Variants in NKAIN3 observed in about 807,000 individuals in gnomAD.
NKAIN3 encodes sodium/potassium-transporting ATPase subunit beta-1-interacting protein 3.
In NKAIN3, 25 loss-of-function variants were observed where a neutral mutation model predicts 30.2. That is an observed-to-expected ratio of 0.83 (90% CI 0.60 to 1.16). NKAIN3 has a LOEUF of 1.16. Ranked by LOEUF, NKAIN3 falls within the 50% of genes most tolerant of loss-of-function variation. The probability of loss-of-function intolerance (pLI) is 0.00; values close to 1 mark genes in which losing one functional copy is unlikely to be tolerated. For missense variants in NKAIN3, 225 were observed against 254.1 expected, an observed-to-expected ratio of 0.89 and a Z score of 0.78; for synonymous variants, 91 against 89.6, an observed-to-expected ratio of 1.02 and a Z score of -0.09.
Position 62,589,803 on chromosome 8 carries a change from A to G in NKAIN3, c.273+9A>G. On this transcript the variant is annotated intron_variant, in intron 3 of 6. Transcript: ENST00000623646. Reference sequence around the variant, plus strand: ...TAGGTGGACTCTCAAAGGTGAGTTTATCATGCTTTTAAAGTACACTTTAAA... The same window carrying G: ...TAGGTGGACTCTCAAAGGTGAGTTTGTCATGCTTTTAAAGTACACTTTAAA... 6.6e-7 allele frequency: 1 copy of G among 1,522,932 alleles called. No homozygotes were observed. Among genetic ancestry groups the G allele is most frequent in the South Asian group, 1.1e-5 (1 of 88,420 alleles). 94.3% of individuals were successfully genotyped at this position (1,522,932 alleles called of 1,614,324 possible).
intron 1 of NKAIN3, among the ~76,000 whole-genome samples, chr8:62,494,938 A>G (rs1807187713): frequency 6.6e-6 from 1 of 151,944 alleles, no homozygotes; most frequent in Non-Finnish European, 1.5e-5. Flanking sequence ...TATCAATCTT[A>G]TTAGCTTTTT....
At chr8:62,597,517 A>G (rs1810869541) in intron 3 of NKAIN3, among the ~76,000 whole-genome samples, 1 of 151,722 alleles carries the variant, frequency 6.6e-6, no homozygotes, top group Admixed American at 6.6e-5. Context: ...TGTTTTAGTG[A>G]TGATGTTTTT....
chr8:62,793,289 G>T (rs995388194), intron 4 of NKAIN3, among the ~76,000 whole-genome samples: 1 of 151,886 alleles, frequency 6.6e-6, no homozygotes, highest in Non-Finnish European at 1.5e-5. Context: ...TAGCTTGCTG[G>T]TTTTTTTGTA....
At chr8:62,865,743 T>A (rs1820396720) in intron 4 of NKAIN3, among the ~76,000 whole-genome samples, 1 of 152,234 alleles carries the variant, frequency 6.6e-6, no homozygotes, top group African/African-American at 2.4e-5. Context: ...AAATATGCAA[T>A]GTTATCTTCT....
intron 4 of NKAIN3, among the ~76,000 whole-genome samples, chr8:62,898,065 TCAAAGCATTTAG>T (rs1168710803): frequency 6.6e-6 from 1 of 152,140 alleles, no homozygotes. Context: ...CTGAATTTCA[TCAAAGCATTTAG>T]CAATCAATTA....
At chr8:62,640,638 T>C (rs1376168643) in intron 3 of NKAIN3, among the ~76,000 whole-genome samples, 5 of 152,058 alleles carry the variant, frequency 3.3e-5, no homozygotes, top group African/African-American at 9.7e-5. Context: ...CCCTGACCCA[T>C]ATTAAAAGAG....
chr8:62,566,780 G>C (rs1436171096), intron 1 of NKAIN3, among the ~76,000 whole-genome samples: 1 of 151,958 alleles, frequency 6.6e-6, no homozygotes, highest in African/African-American at 2.4e-5. Flanking sequence ...CAGTAGAGCA[G>C]CTTGAAAATA....
intron 5 of NKAIN3, among the ~76,000 whole-genome samples, chr8:62,951,089 C>G (rs1823273591): frequency 6.6e-6 from 1 of 151,728 alleles, no homozygotes; most frequent in Non-Finnish European, 1.5e-5. Context: ...CAGTATGCAA[C>G]CTGGTCACTG....
rs551424069 is a variant in NKAIN3 at position 62,972,053 on chromosome 8, G to A, written c.*6646G>A. 1.3e-5 allele frequency among the ~76,000 whole-genome samples: 2 copies of A among 152,066 alleles called. No homozygotes were observed. Among genetic ancestry groups the A allele is most frequent in the African/African-American group, 2.4e-5 (1 of 41,382 alleles). ...GCCACAATAAATTAATTCTTCTATG[G>A]TCATAACACTTGGCTATTTTATTTT... On this transcript the variant is annotated 3_prime_UTR_variant, in exon 7 of 7. Coordinates refer to ENST00000623646, the MANE Select transcript of NKAIN3 (RefSeq NM_001304533.3).
chr8:62,638,170 A>G (rs764325327), intron 3 of NKAIN3, among the ~76,000 whole-genome samples: 1 of 152,164 alleles, frequency 6.6e-6, no homozygotes, highest in Non-Finnish European at 1.5e-5. Context: ...GCTCATGCTA[A>G]TAAGGTTTGC....
intron 4 of NKAIN3, among the ~76,000 whole-genome samples, chr8:62,757,508 C>A (rs1225512836): frequency 6.6e-6 from 1 of 152,146 alleles, no homozygotes; most frequent in East Asian, 1.9e-4. Context: ...TGACGTGGTC[C>A]TTCCTGCTGT....
intron 4 of NKAIN3, among the ~76,000 whole-genome samples, chr8:62,836,252 C>G (rs1249314140): frequency 6.6e-6 from 1 of 152,026 alleles, no homozygotes; most frequent in Admixed American, 6.6e-5. Context: ...TGAGATCATT[C>G]ATACCCCAAA....
intron 1 of NKAIN3, among the ~76,000 whole-genome samples, chr8:62,314,014 A>G (rs889400149): frequency 9.9e-5 from 15 of 152,096 alleles, no homozygotes; most frequent in African/African-American, 3.6e-4. Context: ...TTTTATCATT[A>G]TTTCTCCTGA....
chr8:62,402,394 C>G (rs1231506168), intron 1 of NKAIN3, among the ~76,000 whole-genome samples: 2 of 152,140 alleles, frequency 1.3e-5, no homozygotes, highest in South Asian at 2.1e-4. Context: ...ACCTCAAGAG[C>G]CCATTTGGTG....
At chr8:62,887,258 T>C (rs1019538111) in intron 4 of NKAIN3, among the ~76,000 whole-genome samples, 19 of 152,206 alleles carry the variant, frequency 1.2e-4, no homozygotes, top group African/African-American at 4.1e-4. Context: ...CTGGTTTTTT[T>C]CAGAACTTTT....
intron 1 of NKAIN3, among the ~76,000 whole-genome samples, chr8:62,281,387 C>G (rs147550105): frequency 2.7e-4 from 41 of 152,118 alleles, no homozygotes; most frequent in Non-Finnish European, 5.1e-4. Flanking sequence ...CAATTCTGCT[C>G]TGATCTTAGT....
exon 6 of NKAIN3, chr8:62,999,357 G>A (rs888735045): frequency 2.6e-5 from 4 of 152,164 alleles, no homozygotes; most frequent in South Asian, 2.1e-4. Flanking sequence ...CAAGAGAGAC[G>A]TCATGCTCTT....
chr8:62,503,104 G>C (rs576265000), intron 1 of NKAIN3, among the ~76,000 whole-genome samples: 1 of 152,212 alleles, frequency 6.6e-6, no homozygotes, highest in East Asian at 1.9e-4. Context: ...GATTCTTATC[G>C]GGGGAACCCA....
intron 1 of NKAIN3, among the ~76,000 whole-genome samples, chr8:62,445,155 A>G (rs1805442539): frequency 6.6e-6 from 1 of 152,058 alleles, no homozygotes; most frequent in South Asian, 2.1e-4. Flanking sequence ...CATGTTGGCC[A>G]GGATGGTCTC....
Sources: allele counts gnomAD v4.1 joint callset (sites outside exome capture counted in the v4.1 genomes callset), GRCh38; gene constraint gnomAD v4.1.1; transcripts MANE v1.5; gene names NCBI Gene and HGNC (gene_info 2026-07-23, HGNC 2026-07-21).